ST6GALNAC5: variants seen among roughly 807,000 people sequenced by gnomAD.
ST6GALNAC5 encodes alpha-N-acetylgalactosaminide alpha-2,6-sialyltransferase 5.
Under a neutral mutation model 33.6 loss-of-function variants are expected in ST6GALNAC5, and 27 were observed. The ratio of observed to expected loss-of-function variants is 0.80; its 90% CI spans 0.59 to 1.11. ST6GALNAC5 has a LOEUF of 1.11. Ranked by LOEUF, ST6GALNAC5 falls within the 50% of genes least tolerant of loss-of-function variation. The pLI, the probability that ST6GALNAC5 is intolerant of heterozygous loss-of-function variation, is 0.00. For synonymous variants in ST6GALNAC5, 194 were observed against 171.2 expected, an observed-to-expected ratio of 1.13 and a Z score of -1.04; for missense variants, 428 against 454.0, an observed-to-expected ratio of 0.94 and a Z score of 0.52.
intron 2 of ST6GALNAC5, among the ~76,000 whole-genome samples, chr1:77,004,879 C>T (rs1395113226): frequency 7.2e-6 from 1 of 138,004 alleles, no homozygotes; most frequent in Non-Finnish European, 1.6e-5. Context: ...GCTGGGAGAA[C>T]CACTGCTCTC....
intron 2 of ST6GALNAC5, among the ~76,000 whole-genome samples, chr1:76,900,336 C>T (rs998938095): frequency 2.8e-5 from 4 of 142,782 alleles, no homozygotes; most frequent in African/African-American, 7.4e-5. Flanking sequence ...TGGATGTGTA[C>T]GTGCAGGTCA....
rs918246270 is a variant in ST6GALNAC5, at chr1:77,062,955, A to G, written c.780-20A>G. 1 of 1,599,818 alleles carries G rather than the reference A, an allele frequency of 6.3e-7. No individual in the cohort carries two copies. Among genetic ancestry groups the G allele is most frequent in the African/African-American group, 1.3e-5 (1 of 74,506 alleles). Reference sequence around the variant, plus strand: ...AAAAATTTTTTTGCTTTAATCAGTTATCTCAATTTCCTCCTACAGGGATCC... The same window carrying G: ...AAAAATTTTTTTGCTTTAATCAGTTGTCTCAATTTCCTCCTACAGGGATCC... On this transcript the variant is annotated intron_variant, in intron 4 of 4. Coordinates refer to ENST00000477717, the MANE Select transcript of ST6GALNAC5 (RefSeq NM_030965.3).
At chr1:76,945,388 C>A (rs945931200) in intron 2 of ST6GALNAC5, among the ~76,000 whole-genome samples, 1 of 151,872 alleles carries the variant, frequency 6.6e-6, no homozygotes, top group African/African-American at 2.4e-5. Flanking sequence ...CAGACAAAAC[C>A]CAAACAAACA....
chr1:77,050,467 T>C, intron 4 of ST6GALNAC5, 102 bp downstream of exon 4: 1 of 1,078,604 alleles, frequency 9.3e-7, no homozygotes, highest in Non-Finnish European at 1.4e-6. Context: ...ACTGTCTTCT[T>C]GAAGCAATTA....
Position 76,963,672 on chromosome 1 carries a change from C to G in ST6GALNAC5, c.262-80532C>G, listed in dbSNP as rs543968778. On this transcript the variant is annotated intron_variant, in intron 2 of 4. Transcript: ENST00000477717. ...GTGAATACTTTATGTCCTCTTTTGT[C>G]CATTTCCACCTCTACATTTGTGGTA... 9.9e-5 allele frequency among the ~76,000 whole-genome samples: 15 copies of G among 152,262 alleles called. No individual in the cohort carries two copies. In the South Asian group the frequency reaches 3.1e-3, roughly 32 times the overall value.
intron 2 of ST6GALNAC5, among the ~76,000 whole-genome samples, chr1:76,914,553 T>C (rs1304562154): frequency 2.0e-5 from 3 of 152,170 alleles, no homozygotes; most frequent in African/African-American, 7.2e-5. Flanking sequence ...TACAACTATC[T>C]GATCTTTGAC....
chr1:76,967,820 T>G (rs2100360171), intron 2 of ST6GALNAC5, among the ~76,000 whole-genome samples: 1 of 152,358 alleles, frequency 6.6e-6, no homozygotes, highest in South Asian at 2.1e-4. Context: ...TCTTTATTTC[T>G]GCCTTCATTT....
intron 2 of ST6GALNAC5, among the ~76,000 whole-genome samples, chr1:76,959,087 T>C (rs189127733): frequency 5.7e-4 from 86 of 152,180 alleles, no homozygotes; most frequent in African/African-American, 2.0e-3. Flanking sequence ...GGTGTCAGAT[T>C]TTTATTTCCC....
chr1:76,918,238 T>A (rs1646994304), intron 2 of ST6GALNAC5, among the ~76,000 whole-genome samples: 2 of 151,602 alleles, frequency 1.3e-5, no homozygotes, highest in African/African-American at 4.8e-5. Flanking sequence ...AGTCTGAGAG[T>A]CAGGAAAAGA....
intron 2 of ST6GALNAC5, among the ~76,000 whole-genome samples, chr1:77,018,463 A>G (rs930568661): frequency 6.6e-6 from 1 of 152,212 alleles, no homozygotes. Flanking sequence ...CATCTTGCAG[A>G]TAGGAGAACT....
chr1:77,059,543 C>T lies in ST6GALNAC5; in HGVS notation c.780-3432C>T, dbSNP rs561341315. On this transcript the variant is annotated intron_variant, in intron 4 of 4. Coordinates refer to ENST00000477717, the MANE Select transcript of ST6GALNAC5 (RefSeq NM_030965.3). Reference sequence around the variant, plus strand: ...TAACAGGAAGTATGTGATGTCCATACGTCTTATTACTGGCAATGTTAACCT... The same window carrying T: ...TAACAGGAAGTATGTGATGTCCATATGTCTTATTACTGGCAATGTTAACCT... Among the ~76,000 whole-genome samples the T allele has an allele frequency of 5.3e-5, 8 of 152,300 alleles. No individual in the cohort carries two copies. The East Asian group carries it at 1.2e-3, about 22-fold the overall frequency.
intron 2 of ST6GALNAC5, among the ~76,000 whole-genome samples, chr1:76,916,120 A>T (rs1646971803): frequency 6.6e-6 from 1 of 152,110 alleles, no homozygotes; most frequent in East Asian, 1.9e-4. Context: ...CCTTTAAACC[A>T]AGAAGGGTAT....
chr1:77,055,851 T>C (rs1033456599), intron 4 of ST6GALNAC5, among the ~76,000 whole-genome samples: 38 of 152,356 alleles, frequency 2.5e-4, no homozygotes, highest in Middle Eastern at 3.4e-3. Context: ...GTGTCTGGCA[T>C]AGAGTGTATC....
intron 2 of ST6GALNAC5, among the ~76,000 whole-genome samples, chr1:76,934,114 T>A (rs1439004537): frequency 6.6e-6 from 1 of 152,054 alleles, no homozygotes; most frequent in Non-Finnish European, 1.5e-5. Flanking sequence ...CTTTGAAACA[T>A]CTTTGAGTGA....
At chr1:76,985,001 G>A (rs1649420562) in intron 2 of ST6GALNAC5, among the ~76,000 whole-genome samples, 1 of 152,162 alleles carries the variant, frequency 6.6e-6, no homozygotes, top group Non-Finnish European at 1.5e-5. Flanking sequence ...ACTAGGTATT[G>A]ATGGAACGTA....
chr1:76,941,319 A>G (rs1371590810), intron 2 of ST6GALNAC5, among the ~76,000 whole-genome samples: 1 of 152,120 alleles, frequency 6.6e-6, no homozygotes, highest in African/African-American at 2.4e-5. Context: ...TTACCTTTTT[A>G]TCATGTTTTT....
At position 77,021,943 on chromosome 1, in the gene ST6GALNAC5, G is replaced by A. The variant is rs189947380; in HGVS notation, c.262-22261G>A. Among the ~76,000 whole-genome samples the A allele has an allele frequency of 4.0e-3, 605 of 152,246 alleles. 3 individuals are homozygous for A. The highest frequency in any genetic ancestry group is 6.8e-3 in the Admixed American group (104 of 15,298). ...GCCATGTAATCACACCTCCTAATAA[G>A]AACAGAAATGCCTTTCATACACAGA... On this transcript the variant is annotated intron_variant, in intron 2 of 4. Transcript: ENST00000477717.
In ST6GALNAC5 at chr1:77,065,925, A is replaced by G. The variant is rs1394647020; in HGVS notation, c.*2719A>G. On this transcript the variant is annotated 3_prime_UTR_variant, in exon 5 of 5. Transcript: ENST00000477717. ...AACACAAGAACATTTGGCAGAGGCCATTACAATAGATAGCCATTATGGGCA... is the reference window on the plus strand; with the variant it reads ...AACACAAGAACATTTGGCAGAGGCCGTTACAATAGATAGCCATTATGGGCA... Among the ~76,000 whole-genome samples, 1 of 152,250 alleles carries G rather than the reference A, an allele frequency of 6.6e-6. No homozygotes were observed. Among genetic ancestry groups the G allele is most frequent in the South Asian group, 2.1e-4 (1 of 4,832 alleles).
At chr1:76,922,939 AAAAAAAAAAAG>A (rs1388447468) in intron 2 of ST6GALNAC5, among the ~76,000 whole-genome samples, 1 of 138,316 alleles carries the variant, frequency 7.2e-6, no homozygotes, top group Non-Finnish European at 1.5e-5. Flanking sequence ...TTGCCTCAAA[AAAAAAAAAAAG>A]AAAAAAGAAA....
Sources: gnomAD v4.1 joint callset for allele counts (sites outside exome capture counted in the v4.1 genomes callset) on GRCh38, gnomAD v4.1.1 for gene constraint, MANE v1.5 for transcripts, NCBI Gene and HGNC (gene_info 2026-07-23, HGNC 2026-07-21) for gene names.